The following PLEKHA7 variants were observed in gnomAD, a reference collection of about 807,000 sequenced individuals.
PLEKHA7 encodes the protein pleckstrin homology domain containing A7, also known as pleckstrin homology domain-containing family A member 7.
Under a neutral mutation model 170.0 loss-of-function variants are expected in PLEKHA7, and 104 were observed. That is an observed-to-expected ratio of 0.61 (90% CI 0.52 to 0.72). The LOEUF (loss-of-function observed/expected upper bound fraction) is 0.72. PLEKHA7 is among the 30% of genes least tolerant of loss of function. The probability of loss-of-function intolerance (pLI) is 0.00; values close to 1 mark genes in which losing one functional copy is unlikely to be tolerated. For missense variants in PLEKHA7, 1,615 were observed against 1,671.7 expected (o/e 0.97, Z 0.59); for synonymous variants, 648 against 660.8 (o/e 0.98, Z 0.30).
intron 3 of PLEKHA7, among the ~76,000 whole-genome samples, chr11:16,999,396 AC>A (rs1456847091): frequency 6.6e-6 from 1 of 151,480 alleles, no homozygotes; most frequent in Admixed American, 6.6e-5. Flanking sequence ...CTGCACACCT[AC>A]CCCCAGGCAG....
intron 3 of PLEKHA7, among the ~76,000 whole-genome samples, chr11:16,960,845 G>C (rs1862016665): frequency 6.6e-6 from 1 of 152,086 alleles, no homozygotes; most frequent in Non-Finnish European, 1.5e-5. Context: ...CAGACAGATG[G>C]GGACACCGAG....
At chr11:16,857,293 G>A (rs183148426) in intron 4 of PLEKHA7, among the ~76,000 whole-genome samples, 95 of 152,318 alleles carry the variant, frequency 6.2e-4, no homozygotes, top group African/African-American at 2.1e-3. Context: ...GGGCCCTGTC[G>A]GATGCTTGGC....
chr11:16,866,208 C>T (rs1473304823), intron 4 of PLEKHA7, among the ~76,000 whole-genome samples: 3 of 152,074 alleles, frequency 2.0e-5, no homozygotes, highest in South Asian at 2.1e-4. Flanking sequence ...GAAGTGGTCC[C>T]GTAACTTACT....
chr11:16,988,359 C>T (rs1863853016), intron 3 of PLEKHA7, among the ~76,000 whole-genome samples: 1 of 152,210 alleles, frequency 6.6e-6, no homozygotes, highest in Non-Finnish European at 1.5e-5. Context: ...GAACTCTGGG[C>T]AGAGGAATGG....
intron 3 of PLEKHA7, among the ~76,000 whole-genome samples, chr11:16,967,681 C>A (rs897527666): frequency 1.3e-5 from 2 of 152,164 alleles, no homozygotes; most frequent in Non-Finnish European, 2.9e-5. Context: ...CAATCAGCTC[C>A]CCTTCTGCAA....
intron 8 of PLEKHA7, among the ~76,000 whole-genome samples, chr11:16,844,054 C>A (rs1255061513): frequency 6.6e-6 from 1 of 152,174 alleles, no homozygotes; most frequent in African/African-American, 2.4e-5. Context: ...AGATCTCTGA[C>A]ACACTCTCCC....
At chr11:16,945,631 T>C (rs1860980954) in intron 3 of PLEKHA7, among the ~76,000 whole-genome samples, 1 of 152,128 alleles carries the variant, frequency 6.6e-6, no homozygotes, top group African/African-American at 2.4e-5. Context: ...CTCCATAAAG[T>C]TTCTAAGCAG....
Position 16,854,991 on chromosome 11 carries a change from G to A in PLEKHA7, c.420C>T (p.Ile140=), listed in dbSNP as rs767213470. The change falls in exon 6 of 27, where the codon ATC becomes ATT. Residue 140 remains isoleucine, a splice_region_variant and synonymous_variant. Transcript: ENST00000531066. ...TGTGGACTTTACTGCTGGACTTTAT[G>A]ATCTATGAAAAAGCAGACTGAACTT... ...STLEAKPGPK[I]IKSSSKVHSF... is the part of the protein sequence containing the mutation. The A allele has an allele frequency of 6.2e-7, 1 of 1,613,536 alleles. No individual in the cohort carries two copies. The highest frequency in any genetic ancestry group is 8.5e-7 in the Non-Finnish European group (1 of 1,179,528).
chr11:16,998,095 A>G (rs576790778), intron 3 of PLEKHA7, among the ~76,000 whole-genome samples: 2 of 152,206 alleles, frequency 1.3e-5, no homozygotes, highest in African/African-American at 2.4e-5. Flanking sequence ...TACCTACCTT[A>G]TAAGGTTGGC....
At chr11:16,952,602 C>T (rs573469354) in intron 3 of PLEKHA7, among the ~76,000 whole-genome samples, 5 of 152,204 alleles carry the variant, frequency 3.3e-5, no homozygotes, top group East Asian at 1.9e-4. Context: ...AGACTTTCGT[C>T]ATAATACAGG....
In PLEKHA7 at chr11:16,817,179, T is replaced by G. The variant is rs1383404570; in HGVS notation, c.1487A>C (p.Lys496Thr). The G allele has an allele frequency of 1.9e-6, 3 of 1,614,052 alleles. No individual in the cohort carries two copies. The Admixed American group carries it at 5.0e-5, about 27-fold the overall frequency. ...PPPRNLPSDY[K>T]YAQDRASHLK... ...GTGGCTGGCTCGGTCCTGCGCATAC[T>G]TGTAGTCACTTGGCAGGTTTCGGGG... Residue 496 changes from lysine to threonine, a missense_variant, in exon 11 of 27, where the codon AAG (lysine) becomes ACG (threonine). By Grantham distance (78) the Lys-to-Thr change is moderately conservative. Transcript: ENST00000531066. The surrounding 1 kb of genome is among the most constrained non-coding windows in gnomAD (Gnocchi z 4.4).
chr11:16,879,010 A>ACC (rs1855514654), intron 3 of PLEKHA7, among the ~76,000 whole-genome samples: 2 of 152,164 alleles, frequency 1.3e-5, no homozygotes, highest in South Asian at 4.2e-4. Context: ...GGGTTAATAC[A>ACC]CCCCACTGAG....
intron 3 of PLEKHA7, among the ~76,000 whole-genome samples, chr11:16,897,637 C>T (rs908100136): frequency 3.3e-5 from 5 of 152,154 alleles, no homozygotes; most frequent in African/African-American, 1.2e-4. Context: ...GCAAGCTATC[C>T]CGCTGTGCCA....
At chr11:16,973,179 C>T (rs1413349619) in intron 3 of PLEKHA7, among the ~76,000 whole-genome samples, 1 of 152,224 alleles carries the variant, frequency 6.6e-6, no homozygotes. Flanking sequence ...TCCCTCTGAT[C>T]CCACCAGGCA....
intron 3 of PLEKHA7, among the ~76,000 whole-genome samples, chr11:16,888,913 A>AG: frequency 7.2e-6 from 1 of 139,310 alleles, no homozygotes. Context: ...GATAAAAAAA[A>AG]AAAAGAAACC....
chr11:16,840,534 T>A (rs1034046501), intron 9 of PLEKHA7, among the ~76,000 whole-genome samples: 1 of 152,154 alleles, frequency 6.6e-6, no homozygotes, highest in Non-Finnish European at 1.5e-5. Flanking sequence ...CACTCCAGCC[T>A]GGGTGACAAA....
At chr11:16,992,721 A>G (rs531800932) in intron 3 of PLEKHA7, among the ~76,000 whole-genome samples, 116 of 148,820 alleles carry the variant, frequency 7.8e-4, no homozygotes, top group Non-Finnish European at 1.5e-3. Context: ...TCGCCACTGC[A>G]CTCCAGCCTG....
At chr11:16,779,550 C>T (rs1339805112) in intron 26 of PLEKHA7, among the ~76,000 whole-genome samples, 2 of 152,190 alleles carry the variant, frequency 1.3e-5, no homozygotes, top group Non-Finnish European at 2.9e-5. Context: ...TAGGAGAAAG[C>T]CACACCCTCA....
At chr11:16,913,102 C>T (rs1312383683) in intron 3 of PLEKHA7, among the ~76,000 whole-genome samples, 1 of 152,220 alleles carries the variant, frequency 6.6e-6, no homozygotes, top group Non-Finnish European at 1.5e-5. Context: ...ACCTTTCCCT[C>T]CCACAATGAC....
Sources: gnomAD v4.1 joint callset for allele counts (sites outside exome capture counted in the v4.1 genomes callset) on GRCh38, gnomAD v4.1.1 for gene constraint, Gnocchi (gnomAD v3.1) non-coding constraint, MANE v1.5 for transcripts, NCBI Gene and HGNC (gene_info 2026-07-23, HGNC 2026-07-21) for gene names.